The following ERC2 variants were observed in gnomAD, a reference collection of about 807,000 sequenced individuals.
ERC2 encodes the protein ELKS/RAB6-interacting/CAST family member 2.
ERC2 carries 42 observed loss-of-function variants against 114.8 expected under a neutral mutation model. That is an observed-to-expected ratio of 0.37 (90% CI 0.29 to 0.47). The LOEUF (loss-of-function observed/expected upper bound fraction) is 0.47. Among genes scored for constraint, ERC2 ranks in the 20% least tolerant of loss-of-function variants. The probability of loss-of-function intolerance (pLI) is 0.99; values close to 1 mark genes in which losing one functional copy is unlikely to be tolerated. For missense variants in ERC2, 939 were observed against 1,150.7 expected (o/e 0.82, Z 2.66); for synonymous variants, 454 against 425.5 (o/e 1.07, Z -0.82).
intron 17 of ERC2, among the ~76,000 whole-genome samples, chr3:55,575,688 C>T (rs1226649722): frequency 6.6e-6 from 1 of 152,182 alleles, no homozygotes; most frequent in African/African-American, 2.4e-5. Context: ...TGCCCTGGCT[C>T]CAGGCCTTCT....
At chr3:55,529,804 C>A (rs1280403219) in intron 17 of ERC2, among the ~76,000 whole-genome samples, 3 of 152,142 alleles carry the variant, frequency 2.0e-5, no homozygotes, top group Admixed American at 2.0e-4. Context: ...CTGCTATTGA[C>A]AATCAAATGC....
intron 6 of ERC2, among the ~76,000 whole-genome samples, chr3:56,116,437 C>G (rs962758307): frequency 2.6e-5 from 4 of 152,162 alleles, no homozygotes; most frequent in Admixed American, 6.5e-5. Flanking sequence ...GAATAGCAAG[C>G]CTTTACATCT....
chr3:55,827,927 G>A (rs138175812), intron 14 of ERC2, among the ~76,000 whole-genome samples: 43 of 152,346 alleles, frequency 2.8e-4, no homozygotes, highest in African/African-American at 7.9e-4. Flanking sequence ...CAGCAGCAAC[G>A]TTGAGAAGCC....
At chr3:55,748,329 T>C (rs549793461) in intron 14 of ERC2, among the ~76,000 whole-genome samples, 1 of 152,328 alleles carries the variant, frequency 6.6e-6, no homozygotes, top group South Asian at 2.1e-4. Context: ...AGTTCATCAA[T>C]TTCTCCAACT....
chr3:56,246,482 A>G (rs1404975986), intron 3 of ERC2, among the ~76,000 whole-genome samples: 2 of 152,172 alleles, frequency 1.3e-5, no homozygotes, highest in Non-Finnish European at 2.9e-5. Flanking sequence ...TTATTATAAT[A>G]ATAATAAAAG....
chr3:55,755,540 A>G (rs777066638), intron 14 of ERC2, among the ~76,000 whole-genome samples: 41 of 152,262 alleles, frequency 2.7e-4, no homozygotes, highest in Non-Finnish European at 5.6e-4. Flanking sequence ...GAACACCCCA[A>G]TTTGGCCACT....
chr3:56,295,945 C>A, intron 3 of ERC2, 74 bp downstream of exon 3: 1 of 1,439,970 alleles, frequency 6.9e-7, no homozygotes, highest in Non-Finnish European at 9.2e-7. Context: ...TATCTTCCAA[C>A]CTGTGAAAAT....
At chr3:55,957,395 G>A (rs1158365538) in intron 12 of ERC2, among the ~76,000 whole-genome samples, 1 of 152,192 alleles carries the variant, frequency 6.6e-6, no homozygotes, top group Non-Finnish European at 1.5e-5. Flanking sequence ...AGGGGATGGG[G>A]ACATGAAATG....
At chr3:55,520,032 G>A (rs1210747866) in intron 17 of ERC2, among the ~76,000 whole-genome samples, 1 of 146,870 alleles carries the variant, frequency 6.8e-6, no homozygotes. Context: ...CCCAGCCTGG[G>A]TGATAGAGTG....
At chr3:55,688,273 CG>C in intron 16 of ERC2, among the ~76,000 whole-genome samples, 1 of 152,218 alleles carries the variant, frequency 6.6e-6, no homozygotes, top group East Asian at 1.9e-4. Context: ...AGAGTGCTGA[CG>C]GCTTCTGTGT....
intron 16 of ERC2, among the ~76,000 whole-genome samples, chr3:55,690,608 C>T (rs1339519840): frequency 1.3e-5 from 2 of 151,928 alleles, no homozygotes; most frequent in Non-Finnish European, 2.9e-5. Flanking sequence ...ATACTGCAAA[C>T]AAGGTGTAAA....
Position 56,009,675 on chromosome 3 carries a change from G to A in ERC2, c.1920+774C>T, listed in dbSNP as rs941529045. On this transcript the variant is annotated intron_variant, in intron 9 of 17. Coordinates refer to ENST00000288221, the MANE Select transcript of ERC2 (RefSeq NM_015576.3). ...CAATCTCCACGCATCTCAGAGCTGT[G>A]AGGATTAAATAAAATAATGTGTAAT... is the stretch of plus-strand genomic sequence containing the variant. Among the ~76,000 whole-genome samples the A allele has an allele frequency of 5.9e-5, 9 of 152,216 alleles. No homozygotes were observed. In the East Asian group the frequency reaches 1.4e-3, roughly 23 times the overall value.
intron 3 of ERC2, among the ~76,000 whole-genome samples, chr3:56,274,911 A>AT (rs2053897170): frequency 6.6e-6 from 1 of 152,228 alleles, no homozygotes; most frequent in Non-Finnish European, 1.5e-5. Context: ...ATAACCAAAA[A>AT]TGTTTCTAAT....
intron 17 of ERC2, among the ~76,000 whole-genome samples, chr3:55,563,865 C>A (rs1360283416): frequency 2.0e-5 from 3 of 152,214 alleles, no homozygotes. Flanking sequence ...TAACATTAGC[C>A]AATAAATATT....
chr3:56,010,544 G>C lies in ERC2; in HGVS notation c.1825C>G (p.Arg609Gly). 6.2e-7 allele frequency: 1 copy of C among 1,613,376 alleles called. No individual in the cohort carries two copies. ...RLKEQRERDDRERLEEIESFR... is the reference protein window; with the variant it reads ...RLKEQRERDDGERLEEIESFR... Reference sequence around the variant, plus strand: ...GATTCTATCTCTTCTAGTCTTTCCCGATCATCTCTTTCTCGCTGTTCTTTC... The same window carrying C: ...GATTCTATCTCTTCTAGTCTTTCCCCATCATCTCTTTCTCGCTGTTCTTTC... Residue 609 changes from arginine to glycine, a missense_variant, in exon 9 of 18, where the codon CGG becomes GGG. Around this residue, in one of 5 missense-constraint regions of ERC2, gnomAD observed 149 missense variants for 254.6 expected, o/e 0.59. Transcript: ENST00000288221.
chr3:55,848,619 T>TC (rs2061457395), intron 14 of ERC2, among the ~76,000 whole-genome samples: 2 of 152,194 alleles, frequency 1.3e-5, no homozygotes. Flanking sequence ...CGAGGATGAC[T>TC]CACCATTCTC....
chr3:55,530,473 T>C (rs1484259978), intron 17 of ERC2, among the ~76,000 whole-genome samples: 1 of 152,124 alleles, frequency 6.6e-6, no homozygotes, highest in Non-Finnish European at 1.5e-5. Flanking sequence ...TGACATGTTC[T>C]CTCCATCTTG....
At chr3:56,430,343 A>G (rs533479549) in intron 2 of ERC2, among the ~76,000 whole-genome samples, 1 of 152,362 alleles carries the variant, frequency 6.6e-6, no homozygotes, top group African/African-American at 2.4e-5. Context: ...AACCCTAAAC[A>G]GCACAAAAAC....
chr3:56,158,605 A>G (rs2081870489), intron 4 of ERC2, among the ~76,000 whole-genome samples: 1 of 152,148 alleles, frequency 6.6e-6, no homozygotes, highest in Admixed American at 6.6e-5. Flanking sequence ...CGTACAGGCT[A>G]GTATCATGGA....
Sources: allele counts gnomAD v4.1 joint callset (sites outside exome capture counted in the v4.1 genomes callset), GRCh38; gene constraint gnomAD v4.1.1; regional missense constraint gnomAD v4.1.1; transcripts MANE v1.5; gene names NCBI Gene and HGNC (gene_info 2026-07-23, HGNC 2026-07-21).